Variants in PKP4 observed in about 807,000 individuals in gnomAD.
The protein encoded by PKP4 is plakophilin-4.
In PKP4, 90 loss-of-function variants were observed where a neutral mutation model predicts 145.1. That is an observed-to-expected ratio of 0.62 (90% CI 0.52 to 0.74). The LOEUF (loss-of-function observed/expected upper bound fraction) is 0.74. PKP4 is among the 30% of genes least tolerant of loss of function. The pLI, the probability that PKP4 is intolerant of heterozygous loss-of-function variation, is 0.00. For missense variants in PKP4, 1,340 were observed against 1,482.7 expected, an observed-to-expected ratio of 0.90 and a Z score of 1.58; for synonymous variants, 563 against 577.2, an observed-to-expected ratio of 0.98 and a Z score of 0.35.
chr2:158,505,911 G>C (rs1175853249), intron 1 of PKP4, among the ~76,000 whole-genome samples: 2 of 152,064 alleles, frequency 1.3e-5, no homozygotes, highest in African/African-American at 4.8e-5. Flanking sequence ...TGGTGAAGAA[G>C]ACCATAAGTA....
chr2:158,637,394 G>A (rs2053894791), intron 9 of PKP4, among the ~76,000 whole-genome samples: 1 of 152,120 alleles, frequency 6.6e-6, no homozygotes, highest in Non-Finnish European at 1.5e-5. Context: ...ACCTGTGCAT[G>A]TGCCCTACAG....
At chr2:158,550,139 GAAGAAGTTAAAC>G (rs147593528) in intron 2 of PKP4, among the ~76,000 whole-genome samples, 10 of 102,324 alleles carry the variant, frequency 9.8e-5, no homozygotes, top group South Asian at 5.0e-4. Flanking sequence ...TTTCTGCCAA[GAAGAAGTTAAAC>G]AATCTATTAA....
At chr2:158,652,264 C>G (rs2055434902) in intron 11 of PKP4, among the ~76,000 whole-genome samples, 1 of 152,200 alleles carries the variant, frequency 6.6e-6, no homozygotes, top group Non-Finnish European at 1.5e-5. Context: ...TTTCAAGTAG[C>G]CACATGTGGC....
chr2:158,623,195 A>G (rs2052419890), intron 6 of PKP4, among the ~76,000 whole-genome samples: 1 of 152,118 alleles, frequency 6.6e-6, no homozygotes, highest in African/African-American at 2.4e-5. Context: ...TAATAGAGAC[A>G]AGGTCTCACT....
intron 19 of PKP4, among the ~76,000 whole-genome samples, chr2:158,675,332 T>A (rs1255701180): frequency 6.6e-6 from 1 of 151,984 alleles, no homozygotes; most frequent in Non-Finnish European, 1.5e-5. Context: ...TTTTTTTTTT[T>A]AGTTCCTCAG....
chr2:158,476,296 C>T (rs1692461258), intron 1 of PKP4, among the ~76,000 whole-genome samples: 1 of 152,096 alleles, frequency 6.6e-6, no homozygotes, highest in African/African-American at 2.4e-5. Flanking sequence ...CTTTCCTGCA[C>T]TTTTGAATTG....
chr2:158,538,201 G>A (rs974378107), intron 2 of PKP4, among the ~76,000 whole-genome samples: 15 of 152,152 alleles, frequency 9.9e-5, no homozygotes, highest in African/African-American at 3.6e-4. Flanking sequence ...AACTTACTTA[G>A]ATGGGTCAGA....
At chr2:158,482,273 A>G (rs1466183558) in intron 1 of PKP4, among the ~76,000 whole-genome samples, 3 of 152,084 alleles carry the variant, frequency 2.0e-5, no homozygotes. Flanking sequence ...TATATCCTGA[A>G]ATTCTCTCTT....
At chr2:158,615,253 T>G (rs2051489810) in intron 4 of PKP4, among the ~76,000 whole-genome samples, 1 of 152,072 alleles carries the variant, frequency 6.6e-6, no homozygotes, top group Non-Finnish European at 1.5e-5. Flanking sequence ...TAGAGTGATT[T>G]TTGATCACTT....
chr2:158,510,907 T>C (rs1351954331), intron 1 of PKP4, among the ~76,000 whole-genome samples: 1 of 152,266 alleles, frequency 6.6e-6, no homozygotes, highest in Non-Finnish European at 1.5e-5. Context: ...ATTTCTTTAG[T>C]GATTGATCTC....
chr2:158,562,784 A>G (rs1403988349), intron 2 of PKP4, among the ~76,000 whole-genome samples: 1 of 152,248 alleles, frequency 6.6e-6, no homozygotes. Flanking sequence ...ACTATGTGAT[A>G]CATGGTATCG....
chr2:158,530,491 G>C (rs546937659), intron 1 of PKP4, among the ~76,000 whole-genome samples: 1 of 134,878 alleles, frequency 7.4e-6, no homozygotes, highest in Non-Finnish European at 1.6e-5. Flanking sequence ...TACGATAGAA[G>C]TACTCTTTCT....
At position 158,503,157 on chromosome 2, in the gene PKP4, G is replaced by GT. The variant is rs1335238055; in HGVS notation, c.-5-30022dup. Reference sequence around the variant, plus strand: ...TTGGAAGCAACATTTGTCAGATGATGTAAGCAATATCCAATTTGTTAGCTG... The same window carrying GT: ...TTGGAAGCAACATTTGTCAGATGATGTTAAGCAATATCCAATTTGTTAGCTG... On this transcript the variant is annotated intron_variant, in intron 1 of 21. Coordinates refer to ENST00000389759, the MANE Select transcript of PKP4 (RefSeq NM_003628.6). Among the ~76,000 whole-genome samples the GT allele has an allele frequency of 3.3e-5, 5 of 152,208 alleles. No homozygotes were observed. In the East Asian group the frequency reaches 7.7e-4, roughly 23 times the overall value.
chr2:158,557,033 C>T (rs966165351), intron 2 of PKP4, among the ~76,000 whole-genome samples: 6 of 152,022 alleles, frequency 3.9e-5, no homozygotes, highest in Non-Finnish European at 8.8e-5. Context: ...CTGCATATCC[C>T]TGCCATGTCA....
Position 158,640,713 on chromosome 2 carries a change from C to T in PKP4, c.1649C>T (p.Ala550Val). 6.2e-7 allele frequency: 1 copy of T among 1,614,116 alleles called. No homozygotes were observed. The highest frequency in any genetic ancestry group is 8.5e-7 in the Non-Finnish European group (1 of 1,179,986). The change falls in exon 10 of 22, where the codon GCC becomes GTC. Residue 550 changes from alanine (A) to valine (V), a missense_variant. Ala to Val is a moderately conservative substitution (Grantham distance 64). Coordinates refer to ENST00000389759, the MANE Select transcript of PKP4 (RefSeq NM_003628.6). ...QFPSVQANAA[A>V]YLQHLCFGDN... is the part of the protein sequence containing the mutation. ...CCATCTGTTCAGGCAAATGCAGCGG[C>T]CTACCTGCAGCACCTGTGCTTTGGT...
intron 4 of PKP4, among the ~76,000 whole-genome samples, chr2:158,610,133 C>T (rs2051004646): frequency 6.6e-6 from 1 of 152,146 alleles, no homozygotes; most frequent in East Asian, 1.9e-4. Context: ...TATAAATGCA[C>T]ATCTTTTGTG....
chr2:158,558,436 A>G (rs2046269177), intron 2 of PKP4, among the ~76,000 whole-genome samples: 1 of 152,160 alleles, frequency 6.6e-6, no homozygotes, highest in African/African-American at 2.4e-5. Flanking sequence ...AGAAGGTGAT[A>G]TCTGTGAAGC....
At chr2:158,661,072 G>A in intron 12 of PKP4, 1 of 280,488 alleles carries the variant, frequency 3.6e-6, no homozygotes, top group Non-Finnish European at 6.9e-6. Context: ...GGCCCCTAAA[G>A]AATTATATGA....
intron 1 of PKP4, among the ~76,000 whole-genome samples, chr2:158,522,052 A>C (rs2042427323): frequency 6.6e-6 from 1 of 152,154 alleles, no homozygotes; most frequent in Non-Finnish European, 1.5e-5. Context: ...AGTGTTCATA[A>C]TGACAACTAT....
Sources: gnomAD v4.1 joint callset for allele counts (sites outside exome capture counted in the v4.1 genomes callset) on GRCh38, gnomAD v4.1.1 for gene constraint, MANE v1.5 for transcripts, NCBI Gene and HGNC (gene_info 2026-07-23, HGNC 2026-07-21) for gene names.